CEP295: variants seen among roughly 807,000 people sequenced by gnomAD.
CEP295 encodes the protein centrosomal protein of 295 kDa.
In CEP295, 190 loss-of-function variants were observed where a neutral mutation model predicts 291.6. That is an observed-to-expected ratio of 0.65 (90% confidence interval 0.58 to 0.73). The LOEUF (loss-of-function observed/expected upper bound fraction) is 0.73. CEP295 is among the 30% of genes least tolerant of loss of function. The probability of loss-of-function intolerance (pLI) is 0.00; values close to 1 mark genes in which losing one functional copy is unlikely to be tolerated. For synonymous variants in CEP295, 993 were observed against 1,038.8 expected (o/e 0.96, Z 0.85); for missense variants, 2,863 against 2,949.4 (o/e 0.97, Z 0.68).
chr11:93,687,246 C>T (rs1951288769), intron 9 of CEP295, among the ~76,000 whole-genome samples: 1 of 152,118 alleles, frequency 6.6e-6, no homozygotes, highest in African/African-American at 2.4e-5. Flanking sequence ...ATATTTGGGA[C>T]CATTCTCTAG....
intron 5 of CEP295, among the ~76,000 whole-genome samples, chr11:93,670,163 GA>G (rs375118433): frequency 6.6e-6 from 1 of 152,016 alleles, no homozygotes; most frequent in East Asian, 1.9e-4. Context: ...TTTATTGGGG[GA>G]AAAAACTAAA....
intron 1 of CEP295, among the ~76,000 whole-genome samples, chr11:93,662,381 C>T (rs983309024): frequency 2.0e-5 from 3 of 152,128 alleles, no homozygotes; most frequent in Non-Finnish European, 4.4e-5. Flanking sequence ...ACCAAAGTGA[C>T]TTCAGTGACT....
chr11:93,697,465 A>G lies in CEP295; in HGVS notation c.2553A>G (p.Gln851=). 2 of 1,552,078 alleles carry G rather than the reference A, an allele frequency of 1.3e-6. No homozygotes were observed. The highest frequency in any genetic ancestry group is 8.7e-7 in the Non-Finnish European group (1 of 1,147,052). The part of the protein sequence containing the change: ...TAQQGNMKAL[Q]EQLDLQKKVL... The stretch of plus-strand genomic sequence containing the variant: ...AGCAAGGTAATATGAAGGCCCTCCA[A>G]GAACAGTTAGACCTACAGAAGAAAG... Residue 851 remains glutamine, a synonymous_variant, in exon 15 of 30, where the codon CAA becomes CAG. Coordinates refer to ENST00000325212, the MANE Select transcript of CEP295 (RefSeq NM_033395.2).
intron 18 of CEP295, among the ~76,000 whole-genome samples, chr11:93,718,998 C>T (rs1272214352): frequency 1.3e-5 from 2 of 152,108 alleles, no homozygotes; most frequent in African/African-American, 4.8e-5. Flanking sequence ...GTCCCAGCTA[C>T]TCAGGAGGCA....
intron 9 of CEP295, among the ~76,000 whole-genome samples, chr11:93,684,786 A>G (rs1241946130): frequency 6.6e-6 from 1 of 152,130 alleles, no homozygotes. Flanking sequence ...CTAGCTCTGG[A>G]TCTCTTATTT....
Position 93,699,913 on chromosome 11 carries a change from C to T in CEP295, c.5001C>T (p.Ser1667=), listed in dbSNP as rs1387761416. The change falls in exon 15 of 30, where the codon AGC becomes AGT. Residue 1667 remains serine (S), a synonymous_variant. Coordinates refer to ENST00000325212, the MANE Select transcript of CEP295 (RefSeq NM_033395.2). ...PLPFAEAKPK[S]TCELYSSQNE... The stretch of plus-strand genomic sequence containing the variant: ...CTTTTGCAGAAGCTAAACCTAAAAG[C>T]ACTTGTGAATTGTATTCATCCCAGA... 4 of 1,551,660 alleles carry T rather than the reference C, an allele frequency of 2.6e-6. No individual in the cohort carries two copies. The highest frequency in any genetic ancestry group is 1.7e-4 in the Middle Eastern group (1 of 6,016).
At position 93,696,424 on chromosome 11, in the gene CEP295, G is replaced by T. The variant is rs1429892544; in HGVS notation, c.1769+7G>T. On this transcript the variant is annotated splice_region_variant and intron_variant, in intron 14 of 29. Coordinates refer to ENST00000325212, the MANE Select transcript of CEP295 (RefSeq NM_033395.2). ...AGCTTTTACAACAAAACAGGTATTA[G>T]CTAGGGTATAATTTATATGTGATCG... 1 of 1,481,634 alleles carries T rather than the reference G, an allele frequency of 6.7e-7. No individual in the cohort carries two copies. The highest frequency in any genetic ancestry group is 2.0e-5 in the Admixed American group (1 of 50,662). The allele number at this position is 1,481,634 out of a possible 1,614,324, so 91.8% of individuals were successfully genotyped here. A position where few individuals can be genotyped will look rare whatever the true frequency, so the allele number is the denominator to read the frequency against.
At chr11:93,690,927 A>G (rs1951513063) in intron 10 of CEP295, among the ~76,000 whole-genome samples, 1 of 151,958 alleles carries the variant, frequency 6.6e-6, no homozygotes, top group African/African-American at 2.4e-5. Context: ...GGTCTCCTAT[A>G]CATCTTCATG....
Position 93,698,797 on chromosome 11 carries a change from G to C in CEP295, c.3885G>C (p.Leu1295Phe). The change falls in exon 15 of 30, where the codon TTG (leucine) becomes TTC (phenylalanine). Residue 1295 changes from leucine (L) to phenylalanine (F), a missense_variant. This residue lies in a region of CEP295 where 2,295 missense variants were observed against 2,335.7 expected (regional missense o/e 0.98). Coordinates refer to ENST00000325212, the MANE Select transcript of CEP295 (RefSeq NM_033395.2). Reference protein sequence around the residue: ...QTGSSSFIPQLVQLSFTSLAS... With the variant: ...QTGSSSFIPQFVQLSFTSLAS... ...GTTCATCTTCATTCATACCCCAGTTGGTACAGCTTTCATTTACTTCGTTAG... is the reference window on the plus strand; with the variant it reads ...GTTCATCTTCATTCATACCCCAGTTCGTACAGCTTTCATTTACTTCGTTAG... 1 of 1,551,652 alleles carries C rather than the reference G, an allele frequency of 6.4e-7. No individual in the cohort carries two copies. Among genetic ancestry groups the C allele is most frequent in the Non-Finnish European group, 8.7e-7 (1 of 1,146,980 alleles).
chr11:93,675,734 C>A, intron 6 of CEP295, 68 bp downstream of exon 6: 1 of 824,378 alleles, frequency 1.2e-6, no homozygotes, highest in Admixed American at 3.4e-5. Flanking sequence ...TGAATTATAT[C>A]TTAGTTATAT....
intron 6 of CEP295, among the ~76,000 whole-genome samples, chr11:93,677,538 C>G (rs1436074371): frequency 6.6e-6 from 1 of 152,190 alleles, no homozygotes; most frequent in African/African-American, 2.4e-5. Context: ...TACCTCTACA[C>G]ACAACTGAAC....
At chr11:93,661,822 C>T (rs1386562953) in intron 1 of CEP295, 48 bp downstream of exon 1, 1 of 152,732 alleles carries the variant, frequency 6.5e-6, no homozygotes, top group African/African-American at 2.4e-5. Context: ...AGGAGCATGA[C>T]TCCCCGAGGC....
intron 5 of CEP295, among the ~76,000 whole-genome samples, chr11:93,674,007 C>T (rs1950570580): frequency 6.6e-6 from 1 of 151,096 alleles, no homozygotes; most frequent in Non-Finnish European, 1.5e-5. Flanking sequence ...GGTTGGAGTG[C>T]AGTGGCACAA....
Position 93,667,652 on chromosome 11 carries a change from A to T in CEP295, c.154A>T (p.Ile52Leu). The T allele has an allele frequency of 6.4e-7, 1 of 1,551,596 alleles. No individual in the cohort carries two copies. Among genetic ancestry groups the T allele is most frequent in the Non-Finnish European group, 8.7e-7 (1 of 1,146,830 alleles). ...RDIALQIRED[I>L]KQRRNQQFTR... Reference sequence around the variant, plus strand: ...TATCGCCTTACAGATAAGAGAAGACATAAAACAGAGGAGAAATCAACAATT... The same window carrying T: ...TATCGCCTTACAGATAAGAGAAGACTTAAAACAGAGGAGAAATCAACAATT... The change falls in exon 3 of 30, where the codon ATA becomes TTA. Residue 52 changes from isoleucine (I) to leucine (L), a missense_variant. By Grantham distance (5) the Ile-to-Leu change is conservative. Coordinates refer to ENST00000325212, the MANE Select transcript of CEP295 (RefSeq NM_033395.2).
intron 11 of CEP295, 23 bp from the exon 12 acceptor site, chr11:93,691,904 T>A: frequency 6.9e-7 from 1 of 1,459,006 alleles, no homozygotes; most frequent in Non-Finnish European, 9.3e-7. Flanking sequence ...TGAAACTAAT[T>A]TTTGTTTGGG....
intron 15 of CEP295, among the ~76,000 whole-genome samples, chr11:93,702,003 G>A (rs1366830168): frequency 6.6e-6 from 1 of 151,940 alleles, no homozygotes; most frequent in East Asian, 1.9e-4. Context: ...CCAGGCTGCA[G>A]GCTGGAGTGC....
At chr11:93,690,014 G>C (rs536920551) in intron 10 of CEP295, among the ~76,000 whole-genome samples, 1 of 152,202 alleles carries the variant, frequency 6.6e-6, no homozygotes, top group African/African-American at 2.4e-5. Flanking sequence ...AGAAAGGGCA[G>C]ATAGCAAAGT....
At chr11:93,711,347 C>G (rs1274173088) in intron 18 of CEP295, among the ~76,000 whole-genome samples, 2 of 152,176 alleles carry the variant, frequency 1.3e-5, no homozygotes, top group Non-Finnish European at 2.9e-5. Flanking sequence ...TTATTAGTCT[C>G]TTCATTGACC....
chr11:93,723,985 AAAATT>A (rs1360539682), intron 21 of CEP295: 4 of 189,770 alleles, frequency 2.1e-5, no homozygotes, highest in African/African-American at 9.4e-5. Flanking sequence ...TAAATTTAAA[AAAATT>A]AAATTTCTCT....
Sources: allele counts gnomAD v4.1 joint callset (sites outside exome capture counted in the v4.1 genomes callset), GRCh38; gene constraint gnomAD v4.1.1; regional missense constraint gnomAD v4.1.1; transcripts MANE v1.5; gene names NCBI Gene and HGNC (gene_info 2026-07-23, HGNC 2026-07-21).